RPS6KC1: variants seen among roughly 807,000 people sequenced by gnomAD.
RPS6KC1 encodes ribosomal protein S6 kinase C1.
Under a neutral mutation model 103.8 loss-of-function variants are expected in RPS6KC1, and 54 were observed. The ratio of observed to expected loss-of-function variants is 0.52; its 90% CI spans 0.42 to 0.65. The LOEUF (loss-of-function observed/expected upper bound fraction) is 0.65. Ranked by LOEUF, RPS6KC1 falls within the 30% of genes least tolerant of loss-of-function variation. The pLI, the probability that RPS6KC1 is intolerant of heterozygous loss-of-function variation, is 0.00. For missense variants in RPS6KC1, 1,151 were observed against 1,253.8 expected, an observed-to-expected ratio of 0.92 and a Z score of 1.24; for synonymous variants, 439 against 438.7, an observed-to-expected ratio of 1.00 and a Z score of -0.01.
chr1:213,556,750 C>T, the RPS6KC1 span, among the ~76,000 whole-genome samples: 1 of 152,172 alleles, frequency 6.6e-6, no homozygotes, highest in African/African-American at 2.4e-5. Flanking sequence ...CATTGTCCAC[C>T]TTGAGCCATG....
chr1:213,620,067 C>T, the RPS6KC1 span, among the ~76,000 whole-genome samples: 1 of 152,206 alleles, frequency 6.6e-6, no homozygotes, highest in South Asian at 2.1e-4. Flanking sequence ...CATTGACTGC[C>T]TACTGTGTTC....
the RPS6KC1 span, among the ~76,000 whole-genome samples, chr1:213,722,994 G>A: frequency 4.6e-5 from 7 of 152,170 alleles, no homozygotes; most frequent in East Asian, 7.8e-4. Flanking sequence ...GCCTGGCCAC[G>A]ATAGTGAAAC....
the RPS6KC1 span, among the ~76,000 whole-genome samples, chr1:213,756,364 G>C: frequency 6.6e-6 from 1 of 152,186 alleles, no homozygotes; most frequent in Non-Finnish European, 1.5e-5. Flanking sequence ...TGTAGGGAAG[G>C]GTTCAAAGGC....
chr1:213,460,940 G>A, the RPS6KC1 span, among the ~76,000 whole-genome samples: 3 of 152,146 alleles, frequency 2.0e-5, no homozygotes, highest in Non-Finnish European at 2.9e-5. Context: ...GGCATGTAAG[G>A]TTTCTGCTGA....
At chr1:213,316,990 A>C in the RPS6KC1 span, among the ~76,000 whole-genome samples, 1 of 152,034 alleles carries the variant, frequency 6.6e-6, no homozygotes, top group Non-Finnish European at 1.5e-5. Context: ...CTGCCAGGTG[A>C]GGGGTCTTAT....
chr1:213,434,782 GT>G, the RPS6KC1 span, among the ~76,000 whole-genome samples: 20 of 151,248 alleles, frequency 1.3e-4, no homozygotes, highest in South Asian at 2.1e-4. Flanking sequence ...ATAACTGACT[GT>G]TTTTTTTTCT....
At chr1:213,534,405 G>A in the RPS6KC1 span, among the ~76,000 whole-genome samples, 1 of 152,124 alleles carries the variant, frequency 6.6e-6, no homozygotes, top group Non-Finnish European at 1.5e-5. Flanking sequence ...TACAACACCC[G>A]CTTGGTGTTC....
the RPS6KC1 span, among the ~76,000 whole-genome samples, chr1:213,686,572 A>G: frequency 5.4e-3 from 830 of 152,306 alleles, 8 homozygotes; most frequent in African/African-American, 0.019. Context: ...TTGAGCACTT[A>G]TCTGTGCTAG....
the RPS6KC1 span, among the ~76,000 whole-genome samples, chr1:213,613,439 A>C: frequency 6.6e-6 from 1 of 152,250 alleles, no homozygotes; most frequent in Non-Finnish European, 1.5e-5. Context: ...CACTTAAGAC[A>C]CATTGAGGCA....
chr1:213,391,227 A>G, the RPS6KC1 span, among the ~76,000 whole-genome samples: 1 of 152,164 alleles, frequency 6.6e-6, no homozygotes, highest in African/African-American at 2.4e-5. Flanking sequence ...ACTGGACTGG[A>G]ATAATTAAAT....
the RPS6KC1 span, among the ~76,000 whole-genome samples, chr1:213,742,641 C>G: frequency 2.0e-5 from 3 of 152,334 alleles, no homozygotes; most frequent in African/African-American, 7.2e-5. Context: ...TATGTAGGCT[C>G]AGGCTGTGAA....
At chr1:213,712,392 C>T in the RPS6KC1 span, among the ~76,000 whole-genome samples, 1 of 152,228 alleles carries the variant, frequency 6.6e-6, no homozygotes, top group African/African-American at 2.4e-5. Context: ...CCCAGGTCAA[C>T]TTCAGACTGC....
the RPS6KC1 span, among the ~76,000 whole-genome samples, chr1:213,679,809 C>T: frequency 6.6e-6 from 1 of 152,174 alleles, no homozygotes; most frequent in Non-Finnish European, 1.5e-5. Context: ...AAGGAATTCT[C>T]ATGAAATCAA....
chr1:213,673,114 G>A, the RPS6KC1 span, among the ~76,000 whole-genome samples: 4 of 152,170 alleles, frequency 2.6e-5, no homozygotes, highest in African/African-American at 9.6e-5. Context: ...ATGTGACTCT[G>A]ATTTAGAGCC....
chr1:213,363,638 CTTTCTTTCTT>C, the RPS6KC1 span, among the ~76,000 whole-genome samples: 3 of 41,992 alleles, frequency 7.1e-5, 1 homozygote, highest in African/African-American at 5.8e-4. Flanking sequence ...TTCTTTCTTT[CTTTCTTTCTT>C]TCTTTCTTTC....
intron 6 of RPS6KC1, among the ~76,000 whole-genome samples, chr1:213,132,766 A>T (rs1261257309): frequency 6.6e-6 from 1 of 152,214 alleles, no homozygotes; most frequent in Non-Finnish European, 1.5e-5. Flanking sequence ...GGCATGCCTT[A>T]TAATAAAATA....
chr1:213,671,918 A>G, the RPS6KC1 span, among the ~76,000 whole-genome samples: 1 of 151,996 alleles, frequency 6.6e-6, no homozygotes, highest in South Asian at 2.1e-4. Flanking sequence ...CCCCATAAAT[A>G]TATATGATTA....
At chr1:213,370,656 G>A in the RPS6KC1 span, among the ~76,000 whole-genome samples, 1 of 152,210 alleles carries the variant, frequency 6.6e-6, no homozygotes, top group Non-Finnish European at 1.5e-5. Flanking sequence ...AGTGTTATTA[G>A]TCCCATTCAA....
At chr1:213,099,523 T>C (rs1344320339) in intron 3 of RPS6KC1, among the ~76,000 whole-genome samples, 1 of 152,210 alleles carries the variant, frequency 6.6e-6, no homozygotes, top group African/African-American at 2.4e-5. Flanking sequence ...TTTAGATAAG[T>C]TTACACACAG....
Sources: gnomAD v4.1 joint callset for allele counts (sites outside exome capture counted in the v4.1 genomes callset) on GRCh38, gnomAD v4.1.1 for gene constraint, MANE v1.5 for transcripts, NCBI Gene and HGNC (gene_info 2026-07-23, HGNC 2026-07-21) for gene names.